The following C3orf70 variants were observed in gnomAD, a reference collection of about 807,000 sequenced individuals.
C3orf70 encodes the protein chromosome 3 open reading frame 70, also known as UPF0524 protein C3orf70.
Under a neutral mutation model 20.7 loss-of-function variants are expected in C3orf70, and 15 were observed. The observed-to-expected ratio is 0.72, with a 90% CI of 0.48 to 1.11. C3orf70 has a LOEUF of 1.11. C3orf70 is among the 50% of genes most tolerant of loss of function. The pLI is 0.00. For synonymous variants in C3orf70, 161 were observed against 125.7 expected (o/e 1.28, Z -1.88); for missense variants, 332 against 317.6 (o/e 1.05, Z -0.34).
chr3:185,093,474 T>C (rs1161228814), intron 1 of C3orf70, among the ~76,000 whole-genome samples: 2 of 152,302 alleles, frequency 1.3e-5, no homozygotes, highest in Middle Eastern at 3.4e-3. Flanking sequence ...GGGACAGATA[T>C]ATGCAACAAA....
chr3:185,131,197 ATGG>A lies in C3orf70; in HGVS notation c.196+21428_196+21430del, dbSNP rs985274919. ...TACGGCTTTAAAATGTAATTCTTAA[ATGG>A]TGCAGTCTAAAAATAGTAAACAATT... On this transcript the variant is annotated intron_variant, in intron 1 of 1. Transcript: ENST00000335012. Among the ~76,000 whole-genome samples, 57 of 152,328 alleles carry A rather than the reference ATGG, an allele frequency of 3.7e-4. 1 individual carries two copies. Among genetic ancestry groups the A allele is most frequent in the African/African-American group, 1.3e-3 (54 of 41,570 alleles).
Position 185,083,256 on chromosome 3 carries a change from T to C in C3orf70, c.504A>G (p.Leu168=), listed in dbSNP as rs1301886927. Residue 168 remains leucine, a synonymous_variant, in exon 2 of 2, where the codon TTA becomes TTG. Transcript: ENST00000335012. Reference sequence around the variant, plus strand: ...TTGGTGTATTGCTCTCTTTTGAAATTAAGGCATCGTGTGCAGAGACCTCCT... The same window carrying C: ...TTGGTGTATTGCTCTCTTTTGAAATCAAGGCATCGTGTGCAGAGACCTCCT... The part of the protein sequence containing the change: ...SPEEVSAHDA[L]ISKESNTPKI... The C allele has an allele frequency of 2.5e-6, 4 of 1,614,168 alleles. No homozygotes were observed. Among genetic ancestry groups the C allele is most frequent in the South Asian group, 2.2e-5 (2 of 91,084 alleles).
At chr3:185,105,325 G>T (rs1424287503) in intron 1 of C3orf70, among the ~76,000 whole-genome samples, 1 of 152,230 alleles carries the variant, frequency 6.6e-6, no homozygotes, top group African/African-American at 2.4e-5. Context: ...AAGGTTGTGG[G>T]TTCACGGGAA....
intron 1 of C3orf70, among the ~76,000 whole-genome samples, chr3:185,141,295 A>G (rs752413486): frequency 1.5e-4 from 23 of 152,110 alleles, no homozygotes; most frequent in Non-Finnish European, 2.9e-4. Context: ...TAGGCCAGTC[A>G]TACATTGCTA....
In C3orf70 at chr3:185,077,907, T is replaced by C. The variant is rs892414485; in HGVS notation, c.*5100A>G. On this transcript the variant is annotated 3_prime_UTR_variant, in exon 2 of 2. Transcript: ENST00000335012. The stretch of plus-strand genomic sequence containing the variant: ...GACAGTACAGTTTATCTGCACCTCA[T>C]TGAGGTCTTGTAAAGGTTTAATGGG... The C allele has an allele frequency of 1.3e-5, 2 of 152,136 alleles. No homozygotes were observed. The highest frequency in any genetic ancestry group is 2.4e-5 in the African/African-American group (1 of 41,386). The allele number at this position is 152,136 out of a possible 1,614,324, so 9.4% of individuals were successfully genotyped here.
At chr3:185,136,745 C>CA (rs1219046072) in intron 1 of C3orf70, among the ~76,000 whole-genome samples, 2 of 148,036 alleles carry the variant, frequency 1.4e-5, no homozygotes, top group Non-Finnish European at 3.0e-5. Flanking sequence ...CAAAACAAAA[C>CA]AAAAAAACCC....
At chr3:185,147,268 C>CT (rs1469994698) in intron 1 of C3orf70, among the ~76,000 whole-genome samples, 1 of 152,090 alleles carries the variant, frequency 6.6e-6, no homozygotes, top group Non-Finnish European at 1.5e-5. Context: ...CTGAGTTTGG[C>CT]TGGTAGCACC....
chr3:185,144,953 A>G (rs890759436), intron 1 of C3orf70, among the ~76,000 whole-genome samples: 1 of 152,204 alleles, frequency 6.6e-6, no homozygotes, highest in Non-Finnish European at 1.5e-5. Context: ...CAGTGAAGCA[A>G]CAGGAGGTTT....
rs1716525194 is a variant in C3orf70, at chr3:185,131,613, T to C, written c.196+21015A>G. 3.3e-5 allele frequency among the ~76,000 whole-genome samples: 5 copies of C among 152,326 alleles called. No individual in the cohort carries two copies. In the South Asian group the frequency reaches 1.0e-3, roughly 32 times the overall value. ...TACCAGGCAACCTGAATAATCCTTC[T>C]GCAACTGAGAAATGCTAGAAAAAAA... is the stretch of plus-strand genomic sequence containing the variant. On this transcript the variant is annotated intron_variant, in intron 1 of 1. Coordinates refer to ENST00000335012, the MANE Select transcript of C3orf70 (RefSeq NM_001025266.3).
In C3orf70 at chr3:185,079,283, A is replaced by AAAAAAAAATAAAAT. The variant is rs1715276525; in HGVS notation, c.*3723_*3724insATTTTATTTTTTTT. ...GTGAAGGAGCGAGACTCTGTCTCAA[A>AAAAAAAAATAAAAT]AAAAAAAAAAAAAAAAAAAAAGTAA... On this transcript the variant is annotated 3_prime_UTR_variant, in exon 2 of 2. Transcript: ENST00000335012. 1 of 117,304 alleles carries AAAAAAAAATAAAAT rather than the reference A, an allele frequency of 8.5e-6. No homozygotes were observed. Among genetic ancestry groups the AAAAAAAAATAAAAT allele is most frequent in the African/African-American group, 4.0e-5 (1 of 25,146 alleles). The allele number at this position is 117,304 out of a possible 1,614,324, so 7.3% of individuals were successfully genotyped here. A position where few individuals can be genotyped will look rare whatever the true frequency, so the allele number is the denominator to read the frequency against.
At chr3:185,152,436 G>A (rs1486577236) in intron 1 of C3orf70, among the ~76,000 whole-genome samples, 192 bp downstream of exon 1, 2 of 152,324 alleles carry the variant, frequency 1.3e-5, no homozygotes, top group African/African-American at 2.4e-5. Flanking sequence ...CGTCAAGGCA[G>A]CGCCAACCCC....
intron 1 of C3orf70, among the ~76,000 whole-genome samples, chr3:185,126,189 TA>T (rs1716406654): frequency 6.6e-6 from 1 of 152,242 alleles, no homozygotes; most frequent in Non-Finnish European, 1.5e-5. Flanking sequence ...GTTTTTTATA[TA>T]TAATTTCAAG....
At chr3:185,145,881 A>G (rs1716863653) in intron 1 of C3orf70, among the ~76,000 whole-genome samples, 1 of 152,252 alleles carries the variant, frequency 6.6e-6, no homozygotes. Flanking sequence ...GTTGAAGTTT[A>G]CGTGCATCCA....
chr3:185,099,371 C>T (rs1426055216), intron 1 of C3orf70, among the ~76,000 whole-genome samples: 1 of 152,200 alleles, frequency 6.6e-6, no homozygotes, highest in African/African-American at 2.4e-5. Flanking sequence ...TAACTGTGGA[C>T]TTCTCAGCAG....
At chr3:185,130,701 G>A (rs569939084) in intron 1 of C3orf70, among the ~76,000 whole-genome samples, 2 of 152,194 alleles carry the variant, frequency 1.3e-5, no homozygotes, top group Admixed American at 6.5e-5. Flanking sequence ...CATATAAGTG[G>A]AATCATACGA....
intron 1 of C3orf70, among the ~76,000 whole-genome samples, chr3:185,129,867 A>G (rs1716493013): frequency 1.3e-5 from 2 of 152,248 alleles, no homozygotes; most frequent in African/African-American, 2.4e-5. Context: ...AGTAAAGCCT[A>G]TATTACAATA....
chr3:185,103,177 G>A (rs148514001), intron 1 of C3orf70, among the ~76,000 whole-genome samples: 24 of 152,252 alleles, frequency 1.6e-4, no homozygotes, highest in South Asian at 4.1e-4. Context: ...TCTGGGAGGC[G>A]GAGGTTGCAG....
intron 1 of C3orf70, among the ~76,000 whole-genome samples, chr3:185,138,884 GA>G: frequency 6.6e-6 from 1 of 152,284 alleles, no homozygotes; most frequent in South Asian, 2.1e-4. Context: ...AGGACTGCTT[GA>G]GCCCAGAAGT....
chr3:185,087,913 A>ATTTT (rs10714484), intron 1 of C3orf70, among the ~76,000 whole-genome samples: 2 of 134,490 alleles, frequency 1.5e-5, no homozygotes, highest in African/African-American at 5.6e-5. Context: ...AGTTTTATAC[A>ATTTT]TTTTTTTTTT....
Sources: allele counts gnomAD v4.1 joint callset (sites outside exome capture counted in the v4.1 genomes callset), GRCh38; gene constraint gnomAD v4.1.1; transcripts MANE v1.5; gene names NCBI Gene and HGNC (gene_info 2026-07-23, HGNC 2026-07-21).